Variants in SEMA4C observed in about 807,000 individuals in gnomAD.
The protein encoded by SEMA4C is semaphorin-4C.
In SEMA4C, 19 loss-of-function variants were observed where a neutral mutation model predicts 89.0. That is an observed-to-expected ratio of 0.21 (90% CI 0.15 to 0.31). The LOEUF (loss-of-function observed/expected upper bound fraction) is 0.31. SEMA4C is among the 10% of genes least tolerant of loss of function. The probability of loss-of-function intolerance (pLI) is 1.00; values close to 1 mark genes in which losing one functional copy is unlikely to be tolerated. For synonymous variants in SEMA4C, 428 were observed against 472.7 expected (o/e 0.91, Z 1.23); for missense variants, 811 against 1,107.0 (o/e 0.73, Z 3.79).
intron 1 of SEMA4C, chr2:96,868,880 C>T: frequency 1.0e-6 from 1 of 985,418 alleles, no homozygotes; most frequent in Non-Finnish European, 1.2e-6. Flanking sequence ...GGACCCTGGC[C>T]TGGGCGGGCC....
In SEMA4C at chr2:96,861,624, T is replaced by TC; in HGVS notation, c.1626dup (p.Thr543AspfsTer14). On this transcript the variant is annotated frameshift_variant, in exon 14 of 15. Transcript: ENST00000305476. LOFTEE classifies it high-confidence loss of function. This position sits in a 1 kb window ranked among gnomAD's most constrained non-coding sequence, Gnocchi z 7.8. ...TTGCAGATGCCTGAAGTGTCCGAGGTCATCACATGCTGGATCAGTAGAGAT... is the reference window on the plus strand; with the variant it reads ...TTGCAGATGCCTGAAGTGTCCGAGGTCCATCACATGCTGGATCAGTAGAGAT... 6.3e-7 allele frequency: 1 copy of TC among 1,578,542 alleles called. No individual in the cohort carries two copies.
At chr2:96,869,374 CT>C (rs2080156395) in intron 1 of SEMA4C, 1 of 985,278 alleles carries the variant, frequency 1.0e-6, no homozygotes, top group Non-Finnish European at 1.2e-6. Flanking sequence ...GACCGCGGCC[CT>C]CCCTGCAGGG....
At chr2:96,865,628 G>C in intron 5 of SEMA4C, 38 bp downstream of exon 5, 1 of 1,603,460 alleles carries the variant, frequency 6.2e-7, no homozygotes, top group South Asian at 1.1e-5. Context: ...GAGGAGGGCG[G>C]GGGGCTGGGG....
Position 96,861,455 on chromosome 2 carries a change from A to C in SEMA4C, c.1673T>G (p.Val558Gly). 1.2e-6 allele frequency: 2 copies of C among 1,612,868 alleles called. No homozygotes were observed. Among genetic ancestry groups the C allele is most frequent in the Non-Finnish European group, 1.7e-6 (2 of 1,179,708 alleles). Residue 558 changes from valine to glycine, a missense_variant and splice_region_variant, in exon 15 of 15, where the codon GTC (valine) becomes GGC (glycine). Around this residue, in one of 4 missense-constraint regions of SEMA4C, gnomAD observed 441 missense variants for 664.9 expected, o/e 0.66. Coordinates refer to ENST00000305476, the MANE Select transcript of SEMA4C (RefSeq NM_017789.5). This position sits in a 1 kb window ranked among gnomAD's most constrained non-coding sequence, Gnocchi z 7.8. ...CGTGATGTTTTTGGGAGTGGGCCTG[A>C]CTGTAGTGGCAGAGAAAACAGAGTG... ...GICNLRGSKK[V>G]RPTPKNITVV... is the part of the protein sequence containing the mutation.
At chr2:96,869,051 A>G (rs565745713) in intron 1 of SEMA4C, 1 of 984,790 alleles carries the variant, frequency 1.0e-6, no homozygotes, top group South Asian at 4.7e-5. Flanking sequence ...AACGCAAACA[A>G]AGCGGCGGCG....
upstream of SEMA4C, chr2:96,870,085 C>A: frequency 2.1e-6 from 2 of 966,986 alleles, no homozygotes; most frequent in Non-Finnish European, 1.2e-6. Flanking sequence ...TTCTCCAGCG[C>A]GGCCGCGGCT....
rs555421120 is a variant in SEMA4C at position 96,861,306 on chromosome 2, G to A, written c.1822C>T (p.Arg608Trp). The A allele has an allele frequency of 8.1e-6, 13 of 1,607,484 alleles. No individual in the cohort carries two copies. Among genetic ancestry groups the A allele is most frequent in the African/African-American group, 2.7e-5 (2 of 74,936 alleles). The change falls in exon 15 of 15, where the codon CGG (arginine) becomes TGG (tryptophan). Residue 608 changes from arginine to tryptophan, a missense_variant. Arg to Trp is a moderately radical substitution (Grantham distance 101). This residue lies in a region of SEMA4C where 441 missense variants were observed against 664.9 expected (regional missense o/e 0.66). Coordinates refer to ENST00000305476, the MANE Select transcript of SEMA4C (RefSeq NM_017789.5). This position sits in a 1 kb window ranked among gnomAD's most constrained non-coding sequence, Gnocchi z 7.8. ...GCCATCACAACCAGGGCCTGGAGCC[G>A]GGCATCGTAGAGGAAGGACCCGGGC... ...EQPGSFLYDA[R>W]LQALVVMAAQ... is the part of the protein sequence containing the mutation.
chr2:96,863,867 T>G, intron 11 of SEMA4C, 59 bp downstream of exon 11: 2 of 1,598,680 alleles, frequency 1.3e-6, no homozygotes, highest in South Asian at 2.2e-5. Flanking sequence ...CTCCCTGCCC[T>G]GGGCACACGG....
chr2:96,870,441 A>G, upstream of SEMA4C: 1 of 902,844 alleles, frequency 1.1e-6, no homozygotes, highest in South Asian at 5.1e-5. Flanking sequence ...GGGACTCCCG[A>G]CCGTGCAGTT....
At position 96,860,861 on chromosome 2, in the gene SEMA4C, C is replaced by T; in HGVS notation, c.2267G>A (p.Gly756Glu). 1 of 1,613,140 alleles carries T rather than the reference C, an allele frequency of 6.2e-7. No individual in the cohort carries two copies. The highest frequency in any genetic ancestry group is 8.5e-7 in the Non-Finnish European group (1 of 1,180,002). Residue 756 changes from glycine to glutamate, a missense_variant, in exon 15 of 15, where the codon GGG (glycine) becomes GAG (glutamate). Coordinates refer to ENST00000305476, the MANE Select transcript of SEMA4C (RefSeq NM_017789.5). ...GCCTGGAGGTGGCGAAGGGGGCCCC[C>T]CACCGGGCTGGCACCGGGCATGCCC... ...VPGHARCQPG[G>E]GPPSPPPGIP...
Position 96,860,902 on chromosome 2 carries a change from G to A in SEMA4C, c.2226C>T (p.Ser742=). The change falls in exon 15 of 15, where the codon TCC becomes TCT. Residue 742 remains serine (S), a synonymous_variant. Coordinates refer to ENST00000305476, the MANE Select transcript of SEMA4C (RefSeq NM_017789.5). ...GGGCATGCCCAGGTACTATCTTAAG[G>A]GAGCCATCTGAATAGTAGTAACCGA... ...DPVGYYYSDG[S]LKIVPGHARC... is the part of the protein sequence containing the mutation. The A allele has an allele frequency of 6.2e-7, 1 of 1,613,162 alleles. No homozygotes were observed. The highest frequency in any genetic ancestry group is 8.5e-7 in the Non-Finnish European group (1 of 1,180,026).
At chr2:96,865,805 C>A in intron 4 of SEMA4C, 41 bp from the exon 5 acceptor site, 1 of 1,613,496 alleles carries the variant, frequency 6.2e-7, no homozygotes, top group African/African-American at 1.3e-5. Context: ...AGCGCGAGGG[C>A]CAGAATGGGA....
chr2:96,863,657 T>A (rs751684689), intron 12 of SEMA4C, 25 bp downstream of exon 12: 19 of 1,588,012 alleles, frequency 1.2e-5, no homozygotes, highest in Non-Finnish European at 1.6e-5. Context: ...CTGGGGACAG[T>A]GGCAGATAGG....
intron 2 of SEMA4C, 110 bp from the exon 3 acceptor site, chr2:96,866,541 C>A: frequency 5.5e-6 from 8 of 1,446,704 alleles, no homozygotes; most frequent in Non-Finnish European, 7.7e-6. Context: ...GCCAGCCAAA[C>A]CCCCTGATTG....
At chr2:96,866,584 C>T in intron 2 of SEMA4C, 153 bp from the exon 3 acceptor site, 1 of 1,054,276 alleles carries the variant, frequency 9.5e-7, no homozygotes, top group South Asian at 1.3e-5. Context: ...CAGCCTTTGG[C>T]CCTGACAGCC....
At position 96,866,343 on chromosome 2, in the gene SEMA4C, G is replaced by A. The variant is rs1468761348; in HGVS notation, c.198C>T (p.Tyr66=). 10 of 1,613,746 alleles carry A rather than the reference G, an allele frequency of 6.2e-6. No individual in the cohort carries two copies. Among genetic ancestry groups the A allele is most frequent in the East Asian group, 2.2e-5 (1 of 44,892 alleles). Residue 66 remains tyrosine (Y), a synonymous_variant, in exon 3 of 15, where the codon TAC becomes TAT. Transcript: ENST00000305476. ...CAAACAGGGCCTCTCGGGCGCCCAC[G>A]TACAGAAGCCCAGTGGGCTCCGTCA... ...LTLTEPTGLL[Y]VGAREALFAF... is the part of the protein sequence containing the mutation.
At position 96,861,185 on chromosome 2, in the gene SEMA4C, C is replaced by T; in HGVS notation, c.1943G>A (p.Gly648Asp). Residue 648 changes from glycine (G) to aspartate (D), a missense_variant, in exon 15 of 15, where the codon GGC becomes GAC. This residue lies in a region of SEMA4C where 248 missense variants were observed against 269.0 expected (regional missense o/e 0.92). Transcript: ENST00000305476. This position sits in a 1 kb window ranked among gnomAD's most constrained non-coding sequence, Gnocchi z 7.8. ...AEGYLVAVVAGPSVTLEARAP... is the reference protein window; with the variant it reads ...AEGYLVAVVADPSVTLEARAP... ...CCGGGCCTCCAAGGTCACCGACGGGCCTGCCACGACAGCCACAAGGTAGCC... is the reference window on the plus strand; with the variant it reads ...CCGGGCCTCCAAGGTCACCGACGGGTCTGCCACGACAGCCACAAGGTAGCC... The T allele has an allele frequency of 1.9e-6, 3 of 1,610,164 alleles. No individual in the cohort carries two copies. Among genetic ancestry groups the T allele is most frequent in the Non-Finnish European group, 1.7e-6 (2 of 1,179,684 alleles).
At chr2:96,867,158 C>A (rs575670741) in intron 2 of SEMA4C, among the ~76,000 whole-genome samples, 3 of 152,346 alleles carry the variant, frequency 2.0e-5, no homozygotes, top group Admixed American at 6.5e-5. Context: ...CCAAACCAGC[C>A]TTAGTCTTTG....
intron 2 of SEMA4C, 85 bp downstream of exon 2, chr2:96,867,693 C>G: frequency 7.5e-7 from 1 of 1,330,690 alleles, no homozygotes; most frequent in Admixed American, 1.9e-5. Flanking sequence ...CTGTGCCACA[C>G]ACGTGAGAAT....
Sources: gnomAD v4.1 joint callset for allele counts (sites outside exome capture counted in the v4.1 genomes callset) on GRCh38, gnomAD v4.1.1 for gene constraint, gnomAD v4.1.1 regional missense constraint, Gnocchi (gnomAD v3.1) non-coding constraint, MANE v1.5 for transcripts, NCBI Gene and HGNC (gene_info 2026-07-23, HGNC 2026-07-21) for gene names.